GAK: variants seen among roughly 807,000 people sequenced by gnomAD.
GAK encodes cyclin G associated kinase.
Under a neutral mutation model 143.9 loss-of-function variants are expected in GAK, and 79 were observed. The ratio of observed to expected loss-of-function variants is 0.55; its 90% CI spans 0.46 to 0.66. GAK has a LOEUF of 0.66. Among genes scored for constraint, GAK ranks in the 30% least tolerant of loss-of-function variants. The pLI is 0.00. For missense variants in GAK, 1,693 were observed against 1,779.7 expected, an observed-to-expected ratio of 0.95 and a Z score of 0.88; for synonymous variants, 881 against 765.5, an observed-to-expected ratio of 1.15 and a Z score of -2.49.
intron 1 of GAK, among the ~76,000 whole-genome samples, chr4:919,037 AG>A (rs1392435123): frequency 3.7e-4 from 43 of 115,858 alleles, no homozygotes; most frequent in African/African-American, 1.4e-3. Context: ...GACCTTAGAA[AG>A]ACAGAAGGCT....
intron 10 of GAK, 125 bp from the exon 11 acceptor site, chr4:889,095 C>T (rs1717140814): frequency 7.2e-6 from 9 of 1,251,358 alleles, no homozygotes; most frequent in East Asian, 2.6e-5. Flanking sequence ...GTCCCACCTC[C>T]CCAGGTGCAG....
At position 866,380 on chromosome 4, in the gene GAK, G is replaced by C; in HGVS notation, c.3027C>G (p.Ala1009=). The change falls in exon 22 of 28, where the codon GCC becomes GCG. Residue 1009 remains alanine (A), a synonymous_variant. Coordinates refer to ENST00000314167, the MANE Select transcript of GAK (RefSeq NM_005255.4). ...GGCACTTACCCAGGTGCAGGAAGTC[G>C]GCGCTGCAGGATGGGGGCGGAGCAC... is the stretch of plus-strand genomic sequence containing the variant. The part of the protein sequence containing the change: ...AHSAPPPSCS[A]DFLHLGDLPG... 1 of 1,614,008 alleles carries C rather than the reference G, an allele frequency of 6.2e-7. No homozygotes were observed. The highest frequency in any genetic ancestry group is 8.5e-7 in the Non-Finnish European group (1 of 1,179,946).
chr4:915,076 A>G, intron 1 of GAK, among the ~76,000 whole-genome samples: 1 of 107,086 alleles, frequency 9.3e-6, no homozygotes, highest in Non-Finnish European at 1.8e-5. Context: ...CCCAGCGTGC[A>G]CGGCCCCACA....
In GAK at chr4:866,384, C is replaced by T; in HGVS notation, c.3023G>A (p.Ser1008Asn). ...SAHSAPPPSC[S>N]ADFLHLGDLP... is the part of the protein sequence containing the mutation. ...CTTACCCAGGTGCAGGAAGTCGGCG[C>T]TGCAGGATGGGGGCGGAGCACTGTG... Residue 1008 changes from serine to asparagine, a missense_variant, in exon 22 of 28, where the codon AGC (serine) becomes AAC (asparagine). By Grantham distance (46) the Ser-to-Asn change is conservative (BLOSUM62 1). Around this residue, in one of 2 missense-constraint regions of GAK, gnomAD observed 822 missense variants for 788.7 expected, o/e 1.04. Coordinates refer to ENST00000314167, the MANE Select transcript of GAK (RefSeq NM_005255.4). The T allele has an allele frequency of 1.2e-6, 2 of 1,614,070 alleles. No individual in the cohort carries two copies. Among genetic ancestry groups the T allele is most frequent in the Non-Finnish European group, 1.7e-6 (2 of 1,179,990 alleles).
chr4:850,723 C>T (rs905703928), intron 26 of GAK: 1 of 390,394 alleles, frequency 2.6e-6, no homozygotes. Context: ...GCCCTGCCCC[C>T]CTGGCCTCAG....
intron 11 of GAK, chr4:888,629 G>GC (rs1437525169): frequency 5.2e-6 from 3 of 574,194 alleles, no homozygotes; most frequent in African/African-American, 3.8e-5. Context: ...GCAGGGCCTT[G>GC]CCCCCCAGGC....
intron 24 of GAK, among the ~76,000 whole-genome samples, chr4:857,966 G>A (rs1749589603): frequency 6.6e-6 from 1 of 152,242 alleles, no homozygotes; most frequent in South Asian, 2.1e-4. Flanking sequence ...TCAGCTCCAC[G>A]CATCGTCTCC....
chr4:859,546 C>T (rs910237610), intron 24 of GAK, 60 bp downstream of exon 24: 77 of 1,589,016 alleles, frequency 4.8e-5, no homozygotes, highest in Non-Finnish European at 5.3e-5. Flanking sequence ...GTCAGATAGA[C>T]GAGAATAAAC....
At chr4:868,491 C>G in intron 20 of GAK, 48 bp downstream of exon 20, 1 of 1,583,682 alleles carries the variant, frequency 6.3e-7, no homozygotes, top group Non-Finnish European at 8.5e-7. Context: ...CACCTCCAGA[C>G]CAGGGGCCTG....
chr4:849,840 C>CCCCCG, intron 27 of GAK, 52 bp downstream of exon 27: 2 of 1,163,084 alleles, frequency 1.7e-6, no homozygotes, highest in Admixed American at 2.2e-5. Flanking sequence ...CAGGACCCCC[C>CCCCCG]CCCCGCCCCG....
intron 1 of GAK, among the ~76,000 whole-genome samples, chr4:915,984 C>T (rs1577304976): frequency 1.3e-5 from 2 of 152,180 alleles, no homozygotes; most frequent in African/African-American, 2.4e-5. Context: ...TAAAGAAAAG[C>T]TACCATAACA....
chr4:859,839 G>A (rs75577800), intron 23 of GAK, 117 bp from the exon 24 acceptor site: 10,954 of 741,278 alleles, frequency 0.015, 120 homozygotes, highest in Non-Finnish European at 0.019. Context: ...CTGAGAGCTG[G>A]CACCTGCATG....
chr4:885,122 A>C (rs1716030831), intron 11 of GAK, among the ~76,000 whole-genome samples: 1 of 151,962 alleles, frequency 6.6e-6, no homozygotes, highest in African/African-American at 2.4e-5. Flanking sequence ...AGGCGTCTAA[A>C]CCCACCGAGC....
At chr4:853,058 T>C (rs1235212337) in intron 24 of GAK, 3 of 151,970 alleles carry the variant, frequency 2.0e-5, no homozygotes, top group African/African-American at 4.8e-5. Flanking sequence ...CTCAAACTCC[T>C]AGGCTTAAGA....
chr4:882,646 A>G (rs1273713801), intron 14 of GAK, 51 bp downstream of exon 14: 1 of 1,597,286 alleles, frequency 6.3e-7, no homozygotes, highest in South Asian at 1.1e-5. Flanking sequence ...CTATGCATGA[A>G]ATAATGAACT....
intron 4 of GAK, 134 bp from the exon 5 acceptor site, chr4:904,913 C>T (rs1720793480): frequency 9.7e-6 from 8 of 826,160 alleles, no homozygotes; most frequent in African/African-American, 7.0e-5. Flanking sequence ...AGTAACAAAA[C>T]GACCAGAGGT....
intron 1 of GAK, 133 bp from the exon 2 acceptor site, chr4:913,801 C>T (rs981621198): frequency 3.1e-5 from 23 of 743,440 alleles, no homozygotes; most frequent in Non-Finnish European, 5.2e-5. Context: ...AACATAATGG[C>T]CCCAGCGTAC....
chr4:932,149 A>G lies in GAK; in HGVS notation c.39T>C (p.Gly13=). Residue 13 remains glycine (G), a synonymous_variant, in exon 1 of 28, where the codon GGT becomes GGC. Coordinates refer to ENST00000314167, the MANE Select transcript of GAK (RefSeq NM_005255.4). The surrounding 1 kb of genome is among the most constrained non-coding windows in gnomAD (Gnocchi z 4.0). ...LLQSALDFLA[G]PGSLGGASGR... ...CGGAAGCACCGCCCAGGGAGCCTGG[A>G]CCCGCCAAGAAGTCGAGCGCCGACT... 1 of 1,577,474 alleles carries G rather than the reference A, an allele frequency of 6.3e-7. No homozygotes were observed.
At chr4:872,845 G>C (rs1482492309) in intron 18 of GAK, 1 of 154,502 alleles carries the variant, frequency 6.5e-6, no homozygotes, top group Non-Finnish European at 1.4e-5. Context: ...TGCCAGACTA[G>C]CTCCAACAGG....
Sources: allele counts gnomAD v4.1 joint callset (sites outside exome capture counted in the v4.1 genomes callset), GRCh38; gene constraint gnomAD v4.1.1; regional missense constraint gnomAD v4.1.1; non-coding constraint Gnocchi (gnomAD v3.1); transcripts MANE v1.5; gene names NCBI Gene and HGNC (gene_info 2026-07-23, HGNC 2026-07-21).